Variants in GRIA1 observed in about 807,000 individuals in gnomAD.
The protein encoded by GRIA1 is glutamate receptor 1.
Under a neutral mutation model 99.2 loss-of-function variants are expected in GRIA1, and 31 were observed. The observed-to-expected ratio is 0.31, with a 90% confidence interval of 0.23 to 0.42. The LOEUF (loss-of-function observed/expected upper bound fraction) is 0.42, where lower values mean the gene tolerates loss of function less well. Ranked by LOEUF, GRIA1 falls within the 10% of genes least tolerant of loss-of-function variation. GRIA1 has a pLI of 1.00. For synonymous variants in GRIA1, 438 were observed against 432.4 expected, an observed-to-expected ratio of 1.01 and a Z score of -0.16; for missense variants, 782 against 1,157.5, an observed-to-expected ratio of 0.68 and a Z score of 4.71.
chr5:153,764,549 A>G lies in GRIA1; in HGVS notation c.1939A>G (p.Ile647Val). ...FLTVERMVSP[I>V]ESAEDLAKQT... ...GACCGTGGAGAGGATGGTGTCTCCC[A>G]TTGAGAGTGCAGAGGACCTAGCGAA... Residue 647 changes from isoleucine (I) to valine (V), a missense_variant, in exon 12 of 16, where the codon ATT (isoleucine) becomes GTT (valine). Around this residue, in one of 5 missense-constraint regions of GRIA1, gnomAD observed 119 missense variants for 326.6 expected, o/e 0.36. Transcript: ENST00000285900. The G allele has an allele frequency of 1.2e-6, 2 of 1,613,660 alleles. No individual in the cohort carries two copies. Among genetic ancestry groups the G allele is most frequent in the Non-Finnish European group, 1.7e-6 (2 of 1,179,612 alleles).
intron 2 of GRIA1, among the ~76,000 whole-genome samples, chr5:153,576,616 G>C (rs751237122): frequency 2.3e-4 from 35 of 152,212 alleles, no homozygotes; most frequent in South Asian, 2.1e-3. Flanking sequence ...TTTGTTAAAA[G>C]TTCTGTTAAA....
intron 4 of GRIA1, among the ~76,000 whole-genome samples, chr5:153,652,067 A>G (rs1226109467): frequency 6.6e-6 from 1 of 152,192 alleles, no homozygotes; most frequent in Non-Finnish European, 1.5e-5. Context: ...CTTAGAACAG[A>G]GTCTGCCCCA....
intron 2 of GRIA1, among the ~76,000 whole-genome samples, chr5:153,603,095 C>T (rs1364453980): frequency 1.4e-5 from 2 of 145,372 alleles, no homozygotes; most frequent in African/African-American, 4.9e-5. Flanking sequence ...ACAACAGTCC[C>T]CAGAGTGTGA....
At chr5:153,732,683 C>T (rs755375932) in intron 11 of GRIA1, among the ~76,000 whole-genome samples, 4 of 151,832 alleles carry the variant, frequency 2.6e-5, no homozygotes, top group Non-Finnish European at 4.4e-5. Flanking sequence ...ATTGCCTTTT[C>T]ATTTTGATTG....
intron 5 of GRIA1, among the ~76,000 whole-genome samples, chr5:153,670,926 C>G (rs1756123501): frequency 6.6e-6 from 1 of 151,990 alleles, no homozygotes; most frequent in South Asian, 2.1e-4. Context: ...TGTAGAGATG[C>G]AAGATTATTA....
At chr5:153,723,592 T>A (rs1025524268) in intron 11 of GRIA1, among the ~76,000 whole-genome samples, 1 of 151,992 alleles carries the variant, frequency 6.6e-6, no homozygotes, top group Non-Finnish European at 1.5e-5. Context: ...GGAGATTATA[T>A]CCCCCACCTG....
intron 2 of GRIA1, among the ~76,000 whole-genome samples, chr5:153,595,295 C>T (rs146495624): frequency 2.0e-5 from 3 of 152,290 alleles, no homozygotes; most frequent in African/African-American, 7.2e-5. Context: ...AAGGTTAGTT[C>T]AGAGAGTTCC....
At chr5:153,678,848 G>A (rs1269963635) in intron 7 of GRIA1, among the ~76,000 whole-genome samples, 4 of 152,182 alleles carry the variant, frequency 2.6e-5, no homozygotes, top group Non-Finnish European at 5.9e-5. Context: ...TGGGCCCCTG[G>A]CTCTCTGGAT....
chr5:153,806,710 GGA>G (rs757779891), intron 15 of GRIA1, among the ~76,000 whole-genome samples: 4 of 152,154 alleles, frequency 2.6e-5, no homozygotes, highest in Non-Finnish European at 5.9e-5. Flanking sequence ...GAAGGGTGGA[GGA>G]GAGAGAGAGA....
intron 11 of GRIA1, among the ~76,000 whole-genome samples, chr5:153,724,231 CA>C (rs1374057629): frequency 2.6e-5 from 4 of 152,016 alleles, no homozygotes; most frequent in Admixed American, 1.3e-4. Flanking sequence ...ACATCCACAC[CA>C]AAAACCCATC....
intron 8 of GRIA1, among the ~76,000 whole-genome samples, chr5:153,690,070 A>G (rs999733826): frequency 6.6e-6 from 1 of 152,224 alleles, no homozygotes; most frequent in Non-Finnish European, 1.5e-5. Flanking sequence ...GGCCTTATTT[A>G]AAACGCAGAT....
chr5:153,684,026 C>T (rs573659240), intron 7 of GRIA1, among the ~76,000 whole-genome samples: 131 of 152,112 alleles, frequency 8.6e-4, no homozygotes, highest in Non-Finnish European at 1.7e-3. Flanking sequence ...TGTGTTTCGG[C>T]GAACACTTGG....
chr5:153,545,830 TC>T (rs1469513377), intron 2 of GRIA1, among the ~76,000 whole-genome samples: 1 of 152,160 alleles, frequency 6.6e-6, no homozygotes, highest in Non-Finnish European at 1.5e-5. Flanking sequence ...ATAGCTGTAT[TC>T]CAATAAAACT....
rs116435892 is a variant in GRIA1, at chr5:153,731,940, C to T, written c.1823+25873C>T. Reference sequence around the variant, plus strand: ...GACCCCTGATATCCACCCTTCTACTCTCTTCCTGTAAGTTTGACTTTTTGA... The same window carrying T: ...GACCCCTGATATCCACCCTTCTACTTTCTTCCTGTAAGTTTGACTTTTTGA... On this transcript the variant is annotated intron_variant, in intron 11 of 15. Transcript: ENST00000285900. 8.9e-3 allele frequency among the ~76,000 whole-genome samples: 1,355 copies of T among 152,210 alleles called. 12 individuals are homozygous for T. Among genetic ancestry groups the T allele is most frequent in the African/African-American group, 0.031 (1,279 of 41,538 alleles).
chr5:153,536,395 T>A (rs1349564142), intron 2 of GRIA1, among the ~76,000 whole-genome samples: 5 of 152,146 alleles, frequency 3.3e-5, no homozygotes, highest in Admixed American at 1.3e-4. Flanking sequence ...ATATCCCTTA[T>A]CATTCTGCCG....
At chr5:153,733,897 A>G (rs1761208703) in intron 11 of GRIA1, among the ~76,000 whole-genome samples, 1 of 152,220 alleles carries the variant, frequency 6.6e-6, no homozygotes, top group Non-Finnish European at 1.5e-5. Context: ...AGAAATAGCA[A>G]TATAACAATA....
intron 8 of GRIA1, among the ~76,000 whole-genome samples, chr5:153,688,133 C>G (rs1757468266): frequency 1.3e-5 from 2 of 152,198 alleles, no homozygotes. Flanking sequence ...TTCTCGCTAA[C>G]CACAGCCTTC....
At chr5:153,675,551 G>T (rs565006862) in intron 6 of GRIA1, among the ~76,000 whole-genome samples, 5 of 152,314 alleles carry the variant, frequency 3.3e-5, no homozygotes, top group Admixed American at 6.5e-5. Flanking sequence ...TGTTGAGAAG[G>T]ATACTAAGGC....
intron 2 of GRIA1, among the ~76,000 whole-genome samples, chr5:153,619,267 T>A (rs1766803130): frequency 6.6e-6 from 1 of 152,218 alleles, no homozygotes; most frequent in African/African-American, 2.4e-5. Context: ...AAATGGACAC[T>A]GAGTCCTGAG....
Sources: gnomAD v4.1 joint callset for allele counts (sites outside exome capture counted in the v4.1 genomes callset) on GRCh38, gnomAD v4.1.1 for gene constraint, gnomAD v4.1.1 regional missense constraint, MANE v1.5 for transcripts, NCBI Gene and HGNC (gene_info 2026-07-23, HGNC 2026-07-21) for gene names.